Variants in LRP1B observed in about 807,000 individuals in gnomAD.
The protein encoded by LRP1B is LDL receptor related protein 1B.
In LRP1B, 217 loss-of-function variants were observed where a neutral mutation model predicts 556.6. The observed-to-expected ratio is 0.39, with a 90% CI of 0.35 to 0.44. The LOEUF (loss-of-function observed/expected upper bound fraction) is 0.44. Ranked by LOEUF, LRP1B falls within the 20% of genes least tolerant of loss-of-function variation. The probability of loss-of-function intolerance (pLI) is 1.00; values close to 1 mark genes in which losing one functional copy is unlikely to be tolerated. For missense variants in LRP1B, 5,053 were observed against 5,620.8 expected, an observed-to-expected ratio of 0.90 and a Z score of 3.23; for synonymous variants, 2,047 against 1,865.8, an observed-to-expected ratio of 1.10 and a Z score of -2.50.
intron 1 of LRP1B, among the ~76,000 whole-genome samples, chr2:142,100,478 A>T (rs902643072): frequency 2.0e-5 from 3 of 152,038 alleles, no homozygotes; most frequent in Admixed American, 1.3e-4. Flanking sequence ...GCAGATTTTC[A>T]AAAGTAAATT....
At chr2:140,963,612 T>A (rs1275736981) in intron 18 of LRP1B, among the ~76,000 whole-genome samples, 1 of 151,974 alleles carries the variant, frequency 6.6e-6, no homozygotes, top group Non-Finnish European at 1.5e-5. Context: ...TCCAGTTAGC[T>A]CCTTCCTACC....
intron 7 of LRP1B, among the ~76,000 whole-genome samples, chr2:141,109,969 G>C (rs1254582214): frequency 6.6e-6 from 1 of 152,152 alleles, no homozygotes; most frequent in Non-Finnish European, 1.5e-5. Context: ...ACTGAGCCAG[G>C]GGCTGCAATG....
chr2:140,528,140 T>A (rs917240900), intron 47 of LRP1B, among the ~76,000 whole-genome samples: 1 of 151,794 alleles, frequency 6.6e-6, no homozygotes, highest in South Asian at 2.1e-4. Flanking sequence ...AGGAGGCAAA[T>A]GTAGGGAATG....
At chr2:141,844,498 T>C (rs552601354) in intron 1 of LRP1B, among the ~76,000 whole-genome samples, 19 of 152,220 alleles carry the variant, frequency 1.2e-4, no homozygotes, top group Admixed American at 3.3e-4. Flanking sequence ...TTTTTGTTTT[T>C]TCATTGATAT....
chr2:141,270,872 G>A (rs1218782377), intron 3 of LRP1B, among the ~76,000 whole-genome samples: 18 of 151,754 alleles, frequency 1.2e-4, no homozygotes, highest in African/African-American at 4.4e-4. Context: ...ATAGATGGTT[G>A]CACAACAGTA....
intron 66 of LRP1B, among the ~76,000 whole-genome samples, chr2:140,401,550 G>A (rs1684502573): frequency 6.6e-6 from 1 of 152,180 alleles, no homozygotes; most frequent in African/African-American, 2.4e-5. Flanking sequence ...ATCCACCTGA[G>A]ATAGGCCCTG....
At chr2:141,422,481 A>C (rs1398112181) in intron 3 of LRP1B, among the ~76,000 whole-genome samples, 1 of 152,214 alleles carries the variant, frequency 6.6e-6, no homozygotes, top group African/African-American at 2.4e-5. Context: ...TAGAAAACTT[A>C]GAAATATACT....
chr2:140,540,469 T>C (rs1680092668), intron 45 of LRP1B, among the ~76,000 whole-genome samples: 1 of 152,098 alleles, frequency 6.6e-6, no homozygotes. Flanking sequence ...TTGGGAGGTA[T>C]AAACACCATG....
intron 1 of LRP1B, among the ~76,000 whole-genome samples, chr2:141,899,028 T>C (rs1435598): frequency 0.42 from 64,173 of 151,866 alleles, 14,002 homozygotes; most frequent in South Asian, 0.56. Context: ...ATCACTAAAA[T>C]GTGTGTTTAT....
intron 62 of LRP1B, among the ~76,000 whole-genome samples, chr2:140,452,420 C>T (rs1457010680): frequency 1.3e-5 from 2 of 152,068 alleles, no homozygotes; most frequent in Non-Finnish European, 2.9e-5. Context: ...AACGTTTAGT[C>T]AATTTCTCCT....
At chr2:142,050,903 CCAGA>C (rs1325983101) in intron 1 of LRP1B, among the ~76,000 whole-genome samples, 2 of 151,940 alleles carry the variant, frequency 1.3e-5, no homozygotes, top group African/African-American at 2.4e-5. Context: ...TGTGAGTCTA[CCAGA>C]CAAATAAATA....
intron 2 of LRP1B, among the ~76,000 whole-genome samples, chr2:141,625,754 A>G (rs902367569): frequency 1.3e-5 from 2 of 152,178 alleles, no homozygotes; most frequent in African/African-American, 4.8e-5. Context: ...CACTGAGCAT[A>G]TAAATCACCT....
At chr2:140,234,327 C>T (rs1680602161) in intron 90 of LRP1B, among the ~76,000 whole-genome samples, 1 of 151,162 alleles carries the variant, frequency 6.6e-6, no homozygotes, top group Non-Finnish European at 1.5e-5. Flanking sequence ...TTAATTGAAA[C>T]ATGTTTTTGA....
At chr2:140,929,756 TCA>T (rs3063648) in intron 20 of LRP1B, among the ~76,000 whole-genome samples, 12,848 of 139,198 alleles carry the variant, frequency 0.092, 759 homozygotes, top group East Asian at 0.19. Context: ...TCATATAGAC[TCA>T]CACACACACA....
chr2:140,349,468 A>G (rs2105112691), intron 77 of LRP1B, among the ~76,000 whole-genome samples: 1 of 152,040 alleles, frequency 6.6e-6, no homozygotes, highest in East Asian at 1.9e-4. Context: ...AAAGTTAAAC[A>G]TTAGTATATA....
intron 2 of LRP1B, among the ~76,000 whole-genome samples, chr2:141,709,083 G>T (rs1692257491): frequency 6.6e-6 from 1 of 152,084 alleles, no homozygotes; most frequent in Admixed American, 6.6e-5. Context: ...AGGTGTGGTG[G>T]CTCGTGCTTG....
chr2:141,723,256 TC>T (rs1692905577), intron 2 of LRP1B, among the ~76,000 whole-genome samples: 1 of 145,198 alleles, frequency 6.9e-6, no homozygotes, highest in Non-Finnish European at 1.5e-5. Flanking sequence ...TCATATTGTT[TC>T]TTTTGTTTTT....
chr2:141,113,543 C>G (rs899254399), intron 7 of LRP1B, among the ~76,000 whole-genome samples: 1 of 151,948 alleles, frequency 6.6e-6, no homozygotes, highest in Non-Finnish European at 1.5e-5. Context: ...CATTTTAATT[C>G]TATACTGTAT....
At chr2:140,510,903 G>C (rs1373482691) in intron 51 of LRP1B, among the ~76,000 whole-genome samples, 1 of 151,884 alleles carries the variant, frequency 6.6e-6, no homozygotes, top group African/African-American at 2.4e-5. Context: ...TATTTTCCTA[G>C]TCCCTGTGCA....
Sources: gnomAD v4.1 joint callset for allele counts (sites outside exome capture counted in the v4.1 genomes callset) on GRCh38, gnomAD v4.1.1 for gene constraint, MANE v1.5 for transcripts, NCBI Gene and HGNC (gene_info 2026-07-23, HGNC 2026-07-21) for gene names.